PPP1R12B: variants seen among roughly 807,000 people sequenced by gnomAD.
The protein encoded by PPP1R12B is protein phosphatase 1 regulatory subunit 12B, also known as myosin phosphatase target subunit 2.
In PPP1R12B, 76 loss-of-function variants were observed where a neutral mutation model predicts 126.1. The ratio of observed to expected loss-of-function variants is 0.60; its 90% CI spans 0.50 to 0.73. The LOEUF (loss-of-function observed/expected upper bound fraction) is 0.73, where lower values mean the gene tolerates loss of function less well. Among genes scored for constraint, PPP1R12B ranks in the 30% least tolerant of loss-of-function variants. The pLI is 0.00. For synonymous variants in PPP1R12B, 356 were observed against 434.7 expected (o/e 0.82, Z 2.25); for missense variants, 1,052 against 1,205.1 (o/e 0.87, Z 1.88).
Position 202,584,995 on chromosome 1 carries a change from G to A in PPP1R12B, c.*4435G>A, listed in dbSNP as rs1689735652. ...AGGTCGTGTAATTGGCCTAAATCTA[G>A]GCCCAGTTATTACTACAAATCTTAG... On this transcript the variant is annotated 3_prime_UTR_variant, in exon 24 of 24. Coordinates refer to ENST00000608999, the MANE Select transcript of PPP1R12B (RefSeq NM_002481.4). 1 of 152,178 alleles carries A rather than the reference G, an allele frequency of 6.6e-6. No individual in the cohort carries two copies. Among genetic ancestry groups the A allele is most frequent in the African/African-American group, 2.4e-5 (1 of 41,426 alleles). 9.4% of individuals were successfully genotyped at this position (152,178 alleles called of 1,614,324 possible).
At chr1:202,562,697 G>T (rs1473112221) in intron 19 of PPP1R12B, 81 bp from the exon 20 acceptor site, 1 of 1,452,568 alleles carries the variant, frequency 6.9e-7, no homozygotes, top group African/African-American at 1.4e-5. Flanking sequence ...TAGAAAAGGC[G>T]CAAACTACCC....
At chr1:202,445,856 T>G (rs1327293380) in intron 12 of PPP1R12B, among the ~76,000 whole-genome samples, 2 of 152,200 alleles carry the variant, frequency 1.3e-5, no homozygotes, top group African/African-American at 4.8e-5. Flanking sequence ...AGCTGTAGTT[T>G]TAACTGTGGC....
In PPP1R12B at chr1:202,432,940, C is replaced by G. The variant is rs151290787; in HGVS notation, c.1141+1321C>G. ...TGGCTTTGCTGATATGATTTCTCTC[C>G]ATGATGGGAGAATACTACCCTTCTT... On this transcript the variant is annotated intron_variant, in intron 8 of 23. Transcript: ENST00000608999. Among the ~76,000 whole-genome samples the G allele has an allele frequency of 9.9e-5, 15 of 152,284 alleles. No individual in the cohort carries two copies. In the East Asian group the frequency reaches 2.7e-3, roughly 27 times the overall value.
chr1:202,548,808 C>CTCTCTCTCTCTATATA (rs1218548068), intron 18 of PPP1R12B, among the ~76,000 whole-genome samples: 1 of 72,992 alleles, frequency 1.4e-5, no homozygotes, highest in East Asian at 4.9e-4. Flanking sequence ...CTCTCTCTCT[C>CTCTCTCTCTCTATATA]TATATATATA....
intron 22 of PPP1R12B, 120 bp from the exon 23 acceptor site, chr1:202,569,027 G>A: frequency 9.5e-7 from 1 of 1,056,038 alleles, no homozygotes. Context: ...AGTAAGGTTT[G>A]CCTGAGTCAG....
intron 1 of PPP1R12B, among the ~76,000 whole-genome samples, chr1:202,393,192 C>T (rs767506474): frequency 6.6e-6 from 1 of 152,138 alleles, no homozygotes; most frequent in Non-Finnish European, 1.5e-5. Context: ...AAGTGATCTA[C>T]CTACCTTGAT....
At chr1:202,567,899 T>A in intron 22 of PPP1R12B, 68 bp downstream of exon 22, 1 of 1,557,070 alleles carries the variant, frequency 6.4e-7, no homozygotes, top group African/African-American at 1.4e-5. Context: ...CCCACTTTGT[T>A]ATTCATGCCA....
chr1:202,371,286 G>A (rs1251319856), intron 1 of PPP1R12B, among the ~76,000 whole-genome samples: 1 of 150,402 alleles, frequency 6.6e-6, no homozygotes, highest in East Asian at 2.0e-4. Flanking sequence ...CTCCCAAAGT[G>A]CTGGGATTAC....
chr1:202,423,568 A>G (rs1029077133), intron 3 of PPP1R12B, among the ~76,000 whole-genome samples: 4 of 152,202 alleles, frequency 2.6e-5, no homozygotes, highest in African/African-American at 7.2e-5. Flanking sequence ...GAAAATACAT[A>G]TTGGCCCTTT....
At chr1:202,517,881 C>T (rs1183637151) in intron 18 of PPP1R12B, among the ~76,000 whole-genome samples, 1 of 152,180 alleles carries the variant, frequency 6.6e-6, no homozygotes, top group Non-Finnish European at 1.5e-5. Context: ...CTGCGTCAGC[C>T]TCCGAAAGTG....
At chr1:202,433,881 T>G (rs1195108243) in intron 8 of PPP1R12B, among the ~76,000 whole-genome samples, 2 of 152,216 alleles carry the variant, frequency 1.3e-5, no homozygotes, top group African/African-American at 2.4e-5. Context: ...AACTCTGGGT[T>G]TATTATTGAA....
intron 13 of PPP1R12B, among the ~76,000 whole-genome samples, chr1:202,485,699 C>T (rs541257824): frequency 4.9e-4 from 75 of 152,208 alleles, no homozygotes; most frequent in East Asian, 9.7e-4. Context: ...CTTTTGTCTT[C>T]CACAGGGATT....
chr1:202,579,414 A>G (rs1689388440), intron 23 of PPP1R12B, among the ~76,000 whole-genome samples: 1 of 152,212 alleles, frequency 6.6e-6, no homozygotes, highest in African/African-American at 2.4e-5. Context: ...ACAGATACAG[A>G]TGTAGCTTTC....
rs1163447453 is a variant in PPP1R12B at position 202,583,443 on chromosome 1, A to G, written c.*2883A>G. The G allele has an allele frequency of 2.0e-5, 3 of 152,182 alleles. No homozygotes were observed. The highest frequency in any genetic ancestry group is 4.8e-5 in the African/African-American group (2 of 41,444). The allele number at this position is 152,182 out of a possible 1,614,324, so 9.4% of individuals were successfully genotyped here. ...TGACAAGAAATTTGCAAGCTTTTCAATCTCAGGAATACTGGATTCTATAGC... is the reference window on the plus strand; with the variant it reads ...TGACAAGAAATTTGCAAGCTTTTCAGTCTCAGGAATACTGGATTCTATAGC... On this transcript the variant is annotated 3_prime_UTR_variant, in exon 24 of 24. Coordinates refer to ENST00000608999, the MANE Select transcript of PPP1R12B (RefSeq NM_002481.4).
Position 202,348,782 on chromosome 1 carries a change from C to A in PPP1R12B, c.-70C>A. 1 of 1,508,858 alleles carries A rather than the reference C, an allele frequency of 6.6e-7. No homozygotes were observed. The highest frequency in any genetic ancestry group is 8.8e-7 in the Non-Finnish European group (1 of 1,131,752). The allele number at this position is 1,508,858 out of a possible 1,614,324, so 93.5% of individuals were successfully genotyped here. A position where few individuals can be genotyped will look rare whatever the true frequency, so the allele number is the denominator to read the frequency against. ...GGCTGAAGCGCTCTGAGAGAGGCGG[C>A]AGCGGCAACTCGAGCCCCAACAGTA... On this transcript the variant is annotated 5_prime_UTR_variant, in exon 1 of 24. Transcript: ENST00000608999.
chr1:202,459,200 G>A lies in PPP1R12B; in HGVS notation c.1850+10029G>A, dbSNP rs959773946. Among the ~76,000 whole-genome samples the A allele has an allele frequency of 1.2e-4, 18 of 152,288 alleles. No homozygotes were observed. In the South Asian group the frequency reaches 2.5e-3, roughly 21 times the overall value. On this transcript the variant is annotated intron_variant, in intron 13 of 23. Coordinates refer to ENST00000608999, the MANE Select transcript of PPP1R12B (RefSeq NM_002481.4). ...ATGATGCCAAATAGTAATAAACATG[G>A]AAATGTTAATATTGGATTTTTGGGT...
rs1400056091 is a variant in PPP1R12B at position 202,437,990 on chromosome 1, C to G, written c.1424C>G (p.Pro475Arg). The G allele has an allele frequency of 6.2e-7, 1 of 1,613,930 alleles. No individual in the cohort carries two copies. The highest frequency in any genetic ancestry group is 2.2e-5 in the East Asian group (1 of 44,878). Residue 475 changes from proline (P) to arginine (R), a missense_variant, in exon 10 of 24, where the codon CCT becomes CGT. Physicochemically the swap from Pro to Arg is moderately radical, Grantham distance 103. Coordinates refer to ENST00000608999, the MANE Select transcript of PPP1R12B (RefSeq NM_002481.4). ...TCCATCTATCGCTCCTCTTCAAGCC[C>G]TCGGATTTCTGCTCTACTGGACAAC... ...GSSIYRSSSSPRISALLDNKD... is the reference protein window; with the variant it reads ...GSSIYRSSSSRRISALLDNKD...
At chr1:202,479,518 T>G (rs1474366955) in intron 13 of PPP1R12B, among the ~76,000 whole-genome samples, 1 of 152,134 alleles carries the variant, frequency 6.6e-6, no homozygotes, top group Non-Finnish European at 1.5e-5. Flanking sequence ...CTGAACAAGA[T>G]TTTCGTAGTC....
At chr1:202,379,298 A>G (rs906087104) in intron 1 of PPP1R12B, among the ~76,000 whole-genome samples, 22 of 152,246 alleles carry the variant, frequency 1.4e-4, no homozygotes, top group African/African-American at 4.6e-4. Flanking sequence ...AATTGACTGC[A>G]TGAGAATCAC....
Sources: gnomAD v4.1 joint callset for allele counts (sites outside exome capture counted in the v4.1 genomes callset) on GRCh38, gnomAD v4.1.1 for gene constraint, MANE v1.5 for transcripts, NCBI Gene and HGNC (gene_info 2026-07-23, HGNC 2026-07-21) for gene names.